Variants in RASL12 observed in about 807,000 individuals in gnomAD.
RASL12 encodes the protein ras-like protein family member 12.
A neutral mutation model predicts 22.9 loss-of-function variants in RASL12; 16 were observed. That is an observed-to-expected ratio of 0.70 (90% confidence interval 0.47 to 1.06). RASL12 has a LOEUF of 1.06. Among genes scored for constraint, RASL12 ranks in the 50% least tolerant of loss-of-function variants. The probability of loss-of-function intolerance (pLI) is 0.00; values close to 1 mark genes in which losing one functional copy is unlikely to be tolerated. For missense variants in RASL12, 306 were observed against 353.1 expected (o/e 0.87, Z 1.07); for synonymous variants, 159 against 152.2 (o/e 1.04, Z -0.33).
chr15:65,065,161 G>A, intron 2 of RASL12, 56 bp downstream of exon 2: 1 of 1,568,494 alleles, frequency 6.4e-7, no homozygotes, highest in South Asian at 1.1e-5. Flanking sequence ...GTGGGTCCCA[G>A]GAGAGCACTC....
At chr15:65,053,256 A>G, downstream of RASL12, 1 of 1,501,948 alleles carries the variant, frequency 6.7e-7, no homozygotes, top group East Asian at 2.3e-5. Flanking sequence ...AGTCTCTCCC[A>G]AGAAGCCGCT....
the RASL12 span, among the ~76,000 whole-genome samples, chr15:65,046,489 T>C: frequency 6.6e-6 from 1 of 151,598 alleles, no homozygotes; most frequent in Non-Finnish European, 1.5e-5. Flanking sequence ...GAAAGAAATA[T>C]GTCGCTTGTT....
Position 65,067,772 on chromosome 15 carries a change from T to G in RASL12, c.64A>C (p.Asn22His). The G allele has an allele frequency of 6.3e-7, 1 of 1,582,088 alleles. No homozygotes were observed. The highest frequency in any genetic ancestry group is 8.6e-7 in the Non-Finnish European group (1 of 1,166,838). Reference protein sequence around the residue: ...SGPQSAPLEVNLAILGRRGAG... With the variant: ...SGPQSAPLEVHLAILGRRGAG... ...CCGCGGCGCCCCAGGATGGCCAGGT[T>G]GACCTCGAGGGGCGCGCTCTGAGGC... is the stretch of plus-strand genomic sequence containing the variant. The change falls in exon 1 of 5, where the codon AAC becomes CAC. Residue 22 changes from asparagine (N) to histidine (H), a missense_variant. Asn to His is a moderately conservative substitution (Grantham distance 68). Coordinates refer to ENST00000220062, the MANE Select transcript of RASL12 (RefSeq NM_016563.4).
chr15:65,057,717 C>T (rs759769451), intron 4 of RASL12, among the ~76,000 whole-genome samples: 6 of 152,114 alleles, frequency 3.9e-5, no homozygotes, highest in Non-Finnish European at 7.4e-5. Flanking sequence ...CCAGAGCAGA[C>T]ACCTGACCAA....
At chr15:65,051,309 G>A (rs746463662), downstream of RASL12, among the ~76,000 whole-genome samples, 1 of 152,136 alleles carries the variant, frequency 6.6e-6, no homozygotes, top group Non-Finnish European at 1.5e-5. Flanking sequence ...ATTAGATTAG[G>A]GCTTCTCCAG....
At chr15:65,057,262 A>T (rs1005151815) in intron 4 of RASL12, among the ~76,000 whole-genome samples, 4 of 152,192 alleles carry the variant, frequency 2.6e-5, no homozygotes, top group Middle Eastern at 3.2e-3. Flanking sequence ...AGCAGGACTG[A>T]CCAACCGTGA....
chr15:65,067,780 AGGG>A lies in RASL12; in HGVS notation c.53_55del (p.Pro18del). 1 of 1,582,754 alleles carries A rather than the reference AGGG, an allele frequency of 6.3e-7. No individual in the cohort carries two copies. The highest frequency in any genetic ancestry group is 8.6e-7 in the Non-Finnish European group (1 of 1,167,168). On this transcript the variant is annotated inframe_deletion, in exon 1 of 5. Transcript: ENST00000220062. ...CCCCAGGATGGCCAGGTTGACCTCG[AGGG>A]GCGCGCTCTGAGGCCCGCTGCCCGC...
upstream of RASL12, chr15:65,068,134 C>T (rs2086903984): frequency 1.4e-5 from 14 of 1,019,412 alleles, no homozygotes; most frequent in Non-Finnish European, 1.5e-5. The surrounding 1 kb of genome is among the most constrained non-coding windows in gnomAD (Gnocchi z 4.2). Flanking sequence ...TCCTGCCGGC[C>T]GCGCCCCCAC....
At chr15:65,074,879 C>T (rs2086954256) in intron 1 of RASL12, among the ~76,000 whole-genome samples, 1 of 152,256 alleles carries the variant, frequency 6.6e-6, no homozygotes, top group African/African-American at 2.4e-5. Context: ...TCAGAGCCCT[C>T]GCTTGCTCTC....
At chr15:65,057,014 A>G (rs894744501) in intron 4 of RASL12, among the ~76,000 whole-genome samples, 1 of 152,210 alleles carries the variant, frequency 6.6e-6, no homozygotes, top group Non-Finnish European at 1.5e-5. Context: ...TCTGACCCCT[A>G]AGAGGGTCTG....
In RASL12 at chr15:65,054,160, G is replaced by T. The variant is rs531281137; in HGVS notation, c.*739C>A. On this transcript the variant is annotated 3_prime_UTR_variant, in exon 5 of 5. Coordinates refer to ENST00000220062, the MANE Select transcript of RASL12 (RefSeq NM_016563.4). The stretch of plus-strand genomic sequence containing the variant: ...TTAAGCTTGAGGGAGCTGATGCTGA[G>T]GTTCTTTGGACAGAGTCCTTAACAG... The T allele has an allele frequency of 2.0e-6, 2 of 985,942 alleles. No individual in the cohort carries two copies. The highest frequency in any genetic ancestry group is 1.2e-4 in the Admixed American group (2 of 16,288). 61.1% of individuals were successfully genotyped at this position (985,942 alleles called of 1,614,324 possible).
chr15:65,057,599 G>C (rs1235938110), intron 4 of RASL12, among the ~76,000 whole-genome samples: 1 of 152,180 alleles, frequency 6.6e-6, no homozygotes, highest in African/African-American at 2.4e-5. Flanking sequence ...CCCAGTCTCT[G>C]ACCTCCGATT....
At chr15:65,073,624 G>T (rs966100230) in intron 1 of RASL12, among the ~76,000 whole-genome samples, 9 of 152,226 alleles carry the variant, frequency 5.9e-5, no homozygotes, top group Admixed American at 2.6e-4. Flanking sequence ...CATGGCCCCA[G>T]GGTTGGGGAC....
chr15:65,057,704 G>T (rs774789177), intron 4 of RASL12, among the ~76,000 whole-genome samples: 2 of 152,146 alleles, frequency 1.3e-5, no homozygotes, highest in Non-Finnish European at 2.9e-5. Flanking sequence ...AGAGCCGATT[G>T]GACCAGAGCA....
At chr15:65,050,113 G>C (rs1274696191), downstream of RASL12, 2 of 1,549,776 alleles carry the variant, frequency 1.3e-6, no homozygotes, top group South Asian at 2.4e-5. Flanking sequence ...TAAGTGGTGA[G>C]AGATTGACGG....
upstream of RASL12, among the ~76,000 whole-genome samples, chr15:65,072,973 C>A (rs1652813559): frequency 6.6e-6 from 1 of 152,110 alleles, no homozygotes; most frequent in South Asian, 2.1e-4. Context: ...CCCGTCTCTA[C>A]TGAAAATACA....
At chr15:65,066,652 G>A (rs970942797) in intron 1 of RASL12, among the ~76,000 whole-genome samples, 8 of 152,128 alleles carry the variant, frequency 5.3e-5, no homozygotes, top group African/African-American at 1.9e-4. Flanking sequence ...CTGGCTAAAC[G>A]GTACCGGTTA....
In RASL12 at chr15:65,054,143, G is replaced by C; in HGVS notation, c.*756C>G. 9 of 985,974 alleles carry C rather than the reference G, an allele frequency of 9.1e-6. No homozygotes were observed. The highest frequency in any genetic ancestry group is 9.6e-6 in the Non-Finnish European group (8 of 830,012). The allele number at this position is 985,974 out of a possible 1,614,324, so 61.1% of individuals were successfully genotyped here. A position where few individuals can be genotyped will look rare whatever the true frequency, so the allele number is the denominator to read the frequency against. On this transcript the variant is annotated 3_prime_UTR_variant, in exon 5 of 5. Transcript: ENST00000220062. The stretch of plus-strand genomic sequence containing the variant: ...TTCTGCAGCCTGGATCATTAAGCTT[G>C]AGGGAGCTGATGCTGAGGTTCTTTG...
downstream of RASL12, among the ~76,000 whole-genome samples, chr15:65,052,011 G>A (rs1408189425): frequency 3.3e-5 from 5 of 152,156 alleles, no homozygotes; most frequent in Non-Finnish European, 7.3e-5. Flanking sequence ...GCTTACCACC[G>A]CTGGGTCCCT....
Sources: allele counts gnomAD v4.1 joint callset (sites outside exome capture counted in the v4.1 genomes callset), GRCh38; gene constraint gnomAD v4.1.1; non-coding constraint Gnocchi (gnomAD v3.1); transcripts MANE v1.5; gene names NCBI Gene and HGNC (gene_info 2026-07-23, HGNC 2026-07-21).